Variants in CALN1 observed in about 807,000 individuals in gnomAD.
CALN1 encodes the protein calcium-binding protein 8.
In CALN1, 17 loss-of-function variants were observed where a neutral mutation model predicts 30.6. The observed-to-expected ratio is 0.56, with a 90% confidence interval of 0.38 to 0.83. The LOEUF (loss-of-function observed/expected upper bound fraction) is 0.83. Ranked by LOEUF, CALN1 falls within the 40% of genes least tolerant of loss-of-function variation. CALN1 has a pLI of 0.00. For missense variants in CALN1, 291 were observed against 354.9 expected, an observed-to-expected ratio of 0.82 and a Z score of 1.45; for synonymous variants, 156 against 131.4, an observed-to-expected ratio of 1.19 and a Z score of -1.28.
intron 5 of CALN1, among the ~76,000 whole-genome samples, chr7:71,868,467 GTTCAAGCAA>G (rs1029256377): frequency 2.6e-5 from 4 of 151,678 alleles, no homozygotes; most frequent in African/African-American, 9.7e-5. Flanking sequence ...CGCCTCCTGG[GTTCAAGCAA>G]TTCTCCTACC....
intron 2 of CALN1, among the ~76,000 whole-genome samples, chr7:72,360,151 A>C (rs531831795): frequency 6.6e-6 from 1 of 152,238 alleles, no homozygotes; most frequent in African/African-American, 2.4e-5. Flanking sequence ...TTATTGCAAC[A>C]AACTGGGAAA....
At chr7:72,006,756 T>A (rs1206206564) in intron 5 of CALN1, among the ~76,000 whole-genome samples, 1 of 152,188 alleles carries the variant, frequency 6.6e-6, no homozygotes, top group East Asian at 1.9e-4. Flanking sequence ...GTGCCATATA[T>A]TAATTTAATG....
intron 3 of CALN1, among the ~76,000 whole-genome samples, chr7:72,248,170 A>C (rs1314722468): frequency 6.6e-6 from 1 of 152,138 alleles, no homozygotes; most frequent in Admixed American, 6.5e-5. Context: ...GCTGGAGTGC[A>C]ATGGCACGAT....
chr7:72,441,121 G>A (rs1285236560), intron 1 of CALN1, among the ~76,000 whole-genome samples: 1 of 152,148 alleles, frequency 6.6e-6, no homozygotes, highest in Non-Finnish European at 1.5e-5. Context: ...CTCCTGGTAT[G>A]CAGCAGTTGT....
chr7:72,015,946 G>C (rs1192161909), intron 5 of CALN1, among the ~76,000 whole-genome samples: 1 of 152,048 alleles, frequency 6.6e-6, no homozygotes, highest in Non-Finnish European at 1.5e-5. Flanking sequence ...GGTTCCATTA[G>C]ATGATTAAGA....
intron 4 of CALN1, among the ~76,000 whole-genome samples, chr7:72,056,321 T>A (rs886916299): frequency 6.6e-6 from 1 of 151,908 alleles, no homozygotes; most frequent in Non-Finnish European, 1.5e-5. Flanking sequence ...AAATCTATTA[T>A]AAAACCACAA....
At chr7:71,877,988 C>T (rs1307827421) in intron 5 of CALN1, among the ~76,000 whole-genome samples, 1 of 152,116 alleles carries the variant, frequency 6.6e-6, no homozygotes, top group African/African-American at 2.4e-5. Context: ...CAGGCCTCAC[C>T]CAGAATTTCT....
At position 72,287,961 on chromosome 7, in the gene CALN1, G is replaced by C. The variant is rs185323102; in HGVS notation, c.120-9151C>G. 2.6e-5 allele frequency among the ~76,000 whole-genome samples: 4 copies of C among 151,908 alleles called. No individual in the cohort carries two copies. In the East Asian group the frequency reaches 7.7e-4, roughly 29 times the overall value. ...GTGAAATTGCACTCCAAAGTGATTG[G>C]GTTATTTATTGGTATATAATAGTTA... On this transcript the variant is annotated intron_variant, in intron 2 of 6. Transcript: ENST00000395275.
chr7:71,923,587 G>C (rs190015920), intron 5 of CALN1, among the ~76,000 whole-genome samples: 2 of 152,074 alleles, frequency 1.3e-5, no homozygotes, highest in African/African-American at 4.8e-5. Context: ...GTGCATTCTT[G>C]TGATTACCTA....
At chr7:72,244,437 T>C (rs1423043438) in intron 3 of CALN1, among the ~76,000 whole-genome samples, 2 of 152,192 alleles carry the variant, frequency 1.3e-5, no homozygotes. Context: ...AGCGTGTTCC[T>C]GCTCTCTAGG....
intron 5 of CALN1, among the ~76,000 whole-genome samples, chr7:71,925,548 T>A (rs1795224118): frequency 6.6e-6 from 1 of 151,784 alleles, no homozygotes; most frequent in African/African-American, 2.4e-5. Context: ...GTCTTTAGTT[T>A]TAAAAAATAT....
chr7:72,251,571 GTTTAT>G (rs1278114324), intron 3 of CALN1, among the ~76,000 whole-genome samples: 2 of 151,732 alleles, frequency 1.3e-5, no homozygotes, highest in Non-Finnish European at 2.9e-5. Flanking sequence ...GGCTCATTTT[GTTTAT>G]TTTTTGTACA....
chr7:72,450,681 A>G (rs1808640372), upstream of CALN1, among the ~76,000 whole-genome samples: 1 of 151,754 alleles, frequency 6.6e-6, no homozygotes, highest in Admixed American at 6.6e-5. Flanking sequence ...AGAGTTTGAG[A>G]CCAACCTGGG....
At chr7:72,285,048 G>A (rs1797993159) in intron 2 of CALN1, among the ~76,000 whole-genome samples, 1 of 152,092 alleles carries the variant, frequency 6.6e-6, no homozygotes, top group African/African-American at 2.4e-5. Flanking sequence ...TACTCAAAGT[G>A]TGGTCTATAG....
chr7:72,257,003 A>C (rs901539868), intron 3 of CALN1, among the ~76,000 whole-genome samples: 2 of 152,144 alleles, frequency 1.3e-5, no homozygotes, highest in African/African-American at 4.8e-5. Context: ...GACACTACCC[A>C]AGACTTGGTA....
chr7:72,170,878 C>T (rs1209709508), intron 3 of CALN1, among the ~76,000 whole-genome samples: 2 of 152,068 alleles, frequency 1.3e-5, no homozygotes, highest in African/African-American at 4.8e-5. Context: ...CAGAGTCAGC[C>T]AGGCATGGTG....
rs372288470 is a variant in CALN1, at chr7:71,796,094, G to C, written c.659-8192C>G. On this transcript the variant is annotated intron_variant, in intron 6 of 6. Coordinates refer to ENST00000395275, the MANE Select transcript of CALN1 (RefSeq NM_031468.4). ...CCCGCCTTGGCCTCCCAAAGTGCTG[G>C]GATTACAGGCATGAGCCACTGTGCC... Among the ~76,000 whole-genome samples, 11 of 151,550 alleles carry C rather than the reference G, an allele frequency of 7.3e-5. No homozygotes were observed. In the East Asian group the frequency reaches 2.2e-3, roughly 30 times the overall value.
chr7:72,502,648 T>C, the CALN1 span, among the ~76,000 whole-genome samples: 1,297 of 152,284 alleles, frequency 8.5e-3, 15 homozygotes, highest in African/African-American at 0.028. Context: ...CTTCCTAATA[T>C]GGAAGATGAA....
chr7:72,021,873 G>A (rs544184229), intron 5 of CALN1, among the ~76,000 whole-genome samples: 1 of 152,212 alleles, frequency 6.6e-6, no homozygotes, highest in African/African-American at 2.4e-5. Flanking sequence ...ATGTCCAATT[G>A]AGGATTCAAC....
Sources: allele counts gnomAD v4.1 joint callset (sites outside exome capture counted in the v4.1 genomes callset), GRCh38; gene constraint gnomAD v4.1.1; transcripts MANE v1.5; gene names NCBI Gene and HGNC (gene_info 2026-07-23, HGNC 2026-07-21).